Variants in MRPS35 observed in about 807,000 individuals in gnomAD.
The protein encoded by MRPS35 is mitochondrial ribosomal protein S35.
Under a neutral mutation model 32.7 loss-of-function variants are expected in MRPS35, and 29 were observed. The ratio of observed to expected loss-of-function variants is 0.89; its 90% confidence interval spans 0.66 to 1.21. The LOEUF (loss-of-function observed/expected upper bound fraction) is 1.21, where lower values mean the gene tolerates loss of function less well. Ranked by LOEUF, MRPS35 falls within the 50% of genes most tolerant of loss-of-function variation. The pLI is 0.00. For missense variants in MRPS35, 373 were observed against 383.8 expected, an observed-to-expected ratio of 0.97 and a Z score of 0.23; for synonymous variants, 148 against 139.3, an observed-to-expected ratio of 1.06 and a Z score of -0.44.
At chr12:27,727,274 A>G (rs951931649) in intron 5 of MRPS35, among the ~76,000 whole-genome samples, 8 of 152,112 alleles carry the variant, frequency 5.3e-5, no homozygotes, top group African/African-American at 9.7e-5. Context: ...TTTAATTTTG[A>G]TGAAGTCCAA....
intron 2 of MRPS35, 135 bp from the exon 3 acceptor site, chr12:27,716,156 G>A: frequency 1.4e-6 from 1 of 717,726 alleles, no homozygotes; most frequent in Non-Finnish European, 2.1e-6. Flanking sequence ...AGCATTGTGG[G>A]AGGTCAGATT....
chr12:27,729,330 A>G (rs1163729851), intron 5 of MRPS35, among the ~76,000 whole-genome samples: 2 of 152,128 alleles, frequency 1.3e-5, no homozygotes, highest in African/African-American at 4.8e-5. Flanking sequence ...CATGATCTGG[A>G]TGCTAGGACT....
At chr12:27,733,404 T>C (rs1411883734) in intron 5 of MRPS35, among the ~76,000 whole-genome samples, 3 of 152,218 alleles carry the variant, frequency 2.0e-5, no homozygotes, top group Non-Finnish European at 4.4e-5. Flanking sequence ...TGATCAGCTT[T>C]GCTGCCTTTT....
intron 7 of MRPS35, among the ~76,000 whole-genome samples, chr12:27,744,713 A>G (rs1183288651): frequency 1.3e-5 from 2 of 152,206 alleles, no homozygotes; most frequent in East Asian, 1.9e-4. Context: ...TTGAACTCCC[A>G]TGAGTCCGAG....
At chr12:27,711,647 T>C (rs1188977227) in intron 1 of MRPS35, among the ~76,000 whole-genome samples, 1 of 151,954 alleles carries the variant, frequency 6.6e-6, no homozygotes, top group Non-Finnish European at 1.5e-5. Flanking sequence ...ACCAACTATC[T>C]AGTTCAGGTG....
intron 7 of MRPS35, among the ~76,000 whole-genome samples, chr12:27,753,197 C>A (rs1565472936): frequency 6.6e-6 from 1 of 151,944 alleles, no homozygotes; most frequent in Admixed American, 6.6e-5. Flanking sequence ...GCAAATATAC[C>A]CCACTTGGCT....
intron 6 of MRPS35, among the ~76,000 whole-genome samples, chr12:27,737,334 G>C (rs577189407): frequency 6.6e-6 from 1 of 152,294 alleles, no homozygotes; most frequent in East Asian, 1.9e-4. Context: ...AGAGATACTC[G>C]AAATTAAGTT....
At position 27,755,579 on chromosome 12, in the gene MRPS35, T is replaced by G. The variant is rs1303567182; in HGVS notation, c.*129T>G. ...CTCAGAGTTAAAATTATTTCCCTCA[T>G]ACTAATGCTTAATGGCAATGATTAC... On this transcript the variant is annotated 3_prime_UTR_variant, in exon 8 of 8. Transcript: ENST00000081029. The G allele has an allele frequency of 2.4e-6, 2 of 835,864 alleles. No individual in the cohort carries two copies. Among genetic ancestry groups the G allele is most frequent in the Non-Finnish European group, 3.5e-6 (2 of 575,474 alleles). 51.8% of individuals were successfully genotyped at this position (835,864 alleles called of 1,614,324 possible).
intron 4 of MRPS35, among the ~76,000 whole-genome samples, chr12:27,722,555 C>T (rs192507074): frequency 6.6e-6 from 1 of 151,722 alleles, no homozygotes; most frequent in Admixed American, 6.6e-5. Flanking sequence ...AGTGCAAACC[C>T]AAGAGCTCAC....
chr12:27,745,541 G>A (rs934630089), intron 7 of MRPS35, among the ~76,000 whole-genome samples: 8 of 151,946 alleles, frequency 5.3e-5, no homozygotes, highest in Middle Eastern at 3.4e-3. Flanking sequence ...TTTTCAGCTG[G>A]GGGTTGTATC....
intron 5 of MRPS35, among the ~76,000 whole-genome samples, chr12:27,735,246 A>G (rs1049882627): frequency 6.6e-6 from 1 of 152,232 alleles, no homozygotes; most frequent in Non-Finnish European, 1.5e-5. Flanking sequence ...AACTTCAAAC[A>G]GTATGTTGCC....
At chr12:27,732,987 G>GATAT (rs56932909) in intron 5 of MRPS35, among the ~76,000 whole-genome samples, 12 of 120,650 alleles carry the variant, frequency 9.9e-5, no homozygotes, top group African/African-American at 2.6e-4. Context: ...GTCATTTGAA[G>GATAT]ATATATATAT....
At chr12:27,744,772 T>C (rs556369179) in intron 7 of MRPS35, among the ~76,000 whole-genome samples, 1 of 152,334 alleles carries the variant, frequency 6.6e-6, no homozygotes, top group East Asian at 1.9e-4. Flanking sequence ...TGCCACAGTT[T>C]TACTTGATTT....
chr12:27,754,505 C>T (rs1456213102), intron 7 of MRPS35, among the ~76,000 whole-genome samples: 1 of 151,850 alleles, frequency 6.6e-6, no homozygotes, highest in Non-Finnish European at 1.5e-5. Flanking sequence ...AGTGGCTTAC[C>T]TCTGTAATCC....
At chr12:27,748,697 G>T (rs895734319) in intron 7 of MRPS35, among the ~76,000 whole-genome samples, 2 of 151,846 alleles carry the variant, frequency 1.3e-5, no homozygotes, top group East Asian at 1.9e-4. Context: ...GTGTGACAAG[G>T]TCTGGCCCTG....
intron 3 of MRPS35, 107 bp downstream of exon 3, chr12:27,716,565 T>C: frequency 3.0e-6 from 3 of 1,004,996 alleles, no homozygotes; most frequent in Non-Finnish European, 4.4e-6. Context: ...TATAGCAGCT[T>C]AGTGTATTTT....
intron 7 of MRPS35, among the ~76,000 whole-genome samples, chr12:27,741,485 AT>A (rs1225803536): frequency 6.6e-6 from 1 of 152,050 alleles, no homozygotes; most frequent in Non-Finnish European, 1.5e-5. Context: ...ATGAGGAAAG[AT>A]TTTTTTCTTA....
At position 27,735,574 on chromosome 12, in the gene MRPS35, C is replaced by G. The variant is rs2061940376; in HGVS notation, c.632+18C>G. On this transcript the variant is annotated intron_variant, in intron 6 of 7. Coordinates refer to ENST00000081029, the MANE Select transcript of MRPS35 (RefSeq NM_021821.4). ...ACAGATAGGTAATGGAAAAAATGTT[C>G]AGCCGACTGGTCACGTGTGTTTCCT... is the stretch of plus-strand genomic sequence containing the variant. The G allele has an allele frequency of 6.4e-7, 1 of 1,565,988 alleles. No homozygotes were observed. The highest frequency in any genetic ancestry group is 8.8e-7 in the Non-Finnish European group (1 of 1,139,232).
intron 5 of MRPS35, among the ~76,000 whole-genome samples, chr12:27,730,793 A>G (rs1454760281): frequency 6.6e-6 from 1 of 152,096 alleles, no homozygotes; most frequent in Non-Finnish European, 1.5e-5. Context: ...TGATGATGCT[A>G]ATCTTCATCA....
Sources: allele counts gnomAD v4.1 joint callset (sites outside exome capture counted in the v4.1 genomes callset), GRCh38; gene constraint gnomAD v4.1.1; transcripts MANE v1.5; gene names NCBI Gene and HGNC (gene_info 2026-07-23, HGNC 2026-07-21).